Variants in AUTS2 observed in about 807,000 individuals in gnomAD.
AUTS2 encodes activator of transcription and developmental regulator AUTS2.
Under a neutral mutation model 112.4 loss-of-function variants are expected in AUTS2, and 17 were observed. The observed-to-expected ratio is 0.15, with a 90% CI of 0.10 to 0.23. The LOEUF (loss-of-function observed/expected upper bound fraction) is 0.23. Ranked by LOEUF, AUTS2 falls within the 10% of genes least tolerant of loss-of-function variation. The probability of loss-of-function intolerance (pLI) is 1.00; values close to 1 mark genes in which losing one functional copy is unlikely to be tolerated. For missense variants in AUTS2, 1,510 were observed against 1,701.6 expected, an observed-to-expected ratio of 0.89 and a Z score of 1.98; for synonymous variants, 751 against 702.7, an observed-to-expected ratio of 1.07 and a Z score of -1.09.
chr7:70,691,305 G>C (rs1181815701), intron 5 of AUTS2, among the ~76,000 whole-genome samples: 1 of 151,918 alleles, frequency 6.6e-6, no homozygotes, highest in Non-Finnish European at 1.5e-5. Context: ...ATGTTAAGAA[G>C]CCATTAGTGT....
At chr7:70,231,539 T>C (rs1014697421) in intron 4 of AUTS2, among the ~76,000 whole-genome samples, 1 of 151,732 alleles carries the variant, frequency 6.6e-6, no homozygotes, top group African/African-American at 2.4e-5. Flanking sequence ...ACCTCACAGG[T>C]TCACACCATT....
At chr7:70,390,663 T>C (rs1793810320) in intron 4 of AUTS2, among the ~76,000 whole-genome samples, 1 of 151,816 alleles carries the variant, frequency 6.6e-6, no homozygotes, top group Non-Finnish European at 1.5e-5. Flanking sequence ...TTCTGTCAAG[T>C]CCAAGCAGAG....
In AUTS2 at chr7:70,760,491, G is replaced by C. The variant is rs73437362; in HGVS notation, c.743-2379G>C. 6.1e-3 allele frequency among the ~76,000 whole-genome samples: 935 copies of C among 152,308 alleles called. 12 individuals are homozygous for C. The highest frequency in any genetic ancestry group is 0.022 in the African/African-American group (898 of 41,568). On this transcript the variant is annotated intron_variant, in intron 6 of 18. Transcript: ENST00000342771. ...TTTCTGTCCCAGACCTGACTCAAAGGCCTGGATCATGCATATGAAGCACGT... is the reference window on the plus strand; with the variant it reads ...TTTCTGTCCCAGACCTGACTCAAAGCCCTGGATCATGCATATGAAGCACGT...
chr7:70,397,209 G>A (rs1405379138), intron 4 of AUTS2, among the ~76,000 whole-genome samples: 2 of 151,908 alleles, frequency 1.3e-5, no homozygotes, highest in South Asian at 2.1e-4. Context: ...GATTACAGAG[G>A]TGTGCCACCA....
chr7:70,530,597 C>T (rs1470271808), intron 5 of AUTS2, among the ~76,000 whole-genome samples: 1 of 152,168 alleles, frequency 6.6e-6, no homozygotes, highest in Non-Finnish European at 1.5e-5. Context: ...CTGCAGGATA[C>T]ATTCTGTGGT....
At chr7:69,873,062 C>G (rs781368366) in intron 1 of AUTS2, among the ~76,000 whole-genome samples, 7 of 151,546 alleles carry the variant, frequency 4.6e-5, no homozygotes, top group Non-Finnish European at 8.8e-5. Context: ...AGGCTGGTCT[C>G]GAACTCCTGA....
intron 1 of AUTS2, among the ~76,000 whole-genome samples, chr7:69,895,407 GA>G (rs1351936270): frequency 3.3e-5 from 5 of 151,884 alleles, no homozygotes; most frequent in Non-Finnish European, 7.4e-5. Context: ...GTAGATCTTT[GA>G]AAAAAATAAA....
chr7:70,164,143 A>G (rs918416580), intron 4 of AUTS2, among the ~76,000 whole-genome samples: 5 of 152,148 alleles, frequency 3.3e-5, no homozygotes, highest in Admixed American at 1.3e-4. Flanking sequence ...TTCTATATAG[A>G]TTTAGATTAC....
chr7:69,708,616 C>G (rs1330662958), intron 1 of AUTS2, among the ~76,000 whole-genome samples: 3 of 152,178 alleles, frequency 2.0e-5, no homozygotes, highest in Non-Finnish European at 4.4e-5. Context: ...AACACGTAGT[C>G]TTTATTATTG....
chr7:69,644,499 TAAAA>T (rs201217373), intron 1 of AUTS2, among the ~76,000 whole-genome samples: 13 of 139,564 alleles, frequency 9.3e-5, no homozygotes, highest in Admixed American at 7.9e-4. Flanking sequence ...CATCTTGTCT[TAAAA>T]AAAAAAAAAA....
intron 1 of AUTS2, chr7:69,663,236 G>A (rs187371176): frequency 6.6e-6 from 1 of 152,266 alleles, no homozygotes; most frequent in East Asian, 1.9e-4. Flanking sequence ...TTTCCAGAGT[G>A]CCTTGGCTGA....
chr7:70,713,759 G>A (rs774456432), intron 6 of AUTS2, among the ~76,000 whole-genome samples: 1 of 152,196 alleles, frequency 6.6e-6, no homozygotes, highest in Non-Finnish European at 1.5e-5. Flanking sequence ...GCCGGGCGTG[G>A]TGGCGGGAGC....
chr7:69,898,616 A>T (rs1434014942), intron 1 of AUTS2, among the ~76,000 whole-genome samples: 1 of 152,196 alleles, frequency 6.6e-6, no homozygotes, highest in Non-Finnish European at 1.5e-5. Flanking sequence ...TCCCCATTCA[A>T]GGACATTGAT....
At chr7:70,096,610 A>C (rs921697872) in intron 2 of AUTS2, among the ~76,000 whole-genome samples, 1 of 151,064 alleles carries the variant, frequency 6.6e-6, no homozygotes, top group Admixed American at 6.6e-5. Context: ...AAAAAAAAAA[A>C]AAAAAAGAAA....
At chr7:69,691,313 G>A (rs1584080149) in intron 1 of AUTS2, among the ~76,000 whole-genome samples, 1 of 151,954 alleles carries the variant, frequency 6.6e-6, no homozygotes, top group Admixed American at 6.6e-5. Flanking sequence ...ACCCCTTTCC[G>A]CCCAGGAACC....
At chr7:70,655,339 AGTAAAGACATTT>A (rs2129542188) in intron 5 of AUTS2, among the ~76,000 whole-genome samples, 1 of 152,360 alleles carries the variant, frequency 6.6e-6, no homozygotes, top group Non-Finnish European at 1.5e-5. Context: ...CAGCTTACAA[AGTAAAGACATTT>A]CTCTCCCATT....
At chr7:70,668,240 A>C (rs1240315898) in intron 5 of AUTS2, among the ~76,000 whole-genome samples, 1 of 152,134 alleles carries the variant, frequency 6.6e-6, no homozygotes, top group Non-Finnish European at 1.5e-5. Flanking sequence ...CAGCCTCCCA[A>C]AGTGCTGGGA....
intron 2 of AUTS2, among the ~76,000 whole-genome samples, chr7:70,059,639 A>G (rs1802151564): frequency 6.6e-6 from 1 of 152,182 alleles, no homozygotes; most frequent in Non-Finnish European, 1.5e-5. Context: ...ATTTGGACAC[A>G]TAGATTGGAG....
At chr7:70,474,571 A>AT (rs1797510204) in intron 5 of AUTS2, among the ~76,000 whole-genome samples, 1 of 152,186 alleles carries the variant, frequency 6.6e-6, no homozygotes, top group Non-Finnish European at 1.5e-5. Context: ...TAAGGAAAAT[A>AT]TAAGTATAAC....
Sources: gnomAD v4.1 joint callset for allele counts (sites outside exome capture counted in the v4.1 genomes callset) on GRCh38, gnomAD v4.1.1 for gene constraint, MANE v1.5 for transcripts, NCBI Gene and HGNC (gene_info 2026-07-23, HGNC 2026-07-21) for gene names.